Variants in SPECC1 observed in about 807,000 individuals in gnomAD.
SPECC1 encodes sperm antigen with calponin homology and coiled-coil domains 1.
In SPECC1, 62 loss-of-function variants were observed where a neutral mutation model predicts 104.1. The ratio of observed to expected loss-of-function variants is 0.60; its 90% confidence interval spans 0.49 to 0.74. The LOEUF (loss-of-function observed/expected upper bound fraction) is 0.74. Among genes scored for constraint, SPECC1 ranks in the 30% least tolerant of loss-of-function variants. The pLI is 0.00. For synonymous variants in SPECC1, 513 were observed against 501.6 expected (o/e 1.02, Z -0.30); for missense variants, 1,306 against 1,310.5 (o/e 1.00, Z 0.05).
chr17:20,071,299 A>G (rs982925972), intron 1 of SPECC1, among the ~76,000 whole-genome samples: 3 of 152,070 alleles, frequency 2.0e-5, no homozygotes, highest in African/African-American at 7.2e-5. Context: ...TCATCTTTCT[A>G]TTCCTGAACC....
intron 3 of SPECC1, among the ~76,000 whole-genome samples, chr17:20,135,401 T>G (rs2049865281): frequency 6.6e-6 from 1 of 152,160 alleles, no homozygotes; most frequent in Non-Finnish European, 1.5e-5. Context: ...TTTTATACTG[T>G]GAAAATTAGT....
chr17:20,200,362 C>T (rs1019565743), intron 3 of SPECC1, among the ~76,000 whole-genome samples: 10 of 152,162 alleles, frequency 6.6e-5, no homozygotes, highest in South Asian at 2.1e-4. Flanking sequence ...TAAAAAATGT[C>T]ACACTTCAAA....
chr17:20,186,098 A>G (rs779646301), intron 3 of SPECC1, among the ~76,000 whole-genome samples: 25 of 152,104 alleles, frequency 1.6e-4, no homozygotes, highest in Non-Finnish European at 4.4e-5. Context: ...TCGGCCTCCC[A>G]AAGTGCTGGG....
At chr17:20,035,338 G>A (rs904185107) in intron 1 of SPECC1, among the ~76,000 whole-genome samples, 2 of 152,038 alleles carry the variant, frequency 1.3e-5, no homozygotes, top group Non-Finnish European at 2.9e-5. Context: ...CTGGGATTTT[G>A]GTAGTAATAA....
chr17:20,243,209 C>T (rs1395509779), intron 7 of SPECC1, among the ~76,000 whole-genome samples: 2 of 152,186 alleles, frequency 1.3e-5, no homozygotes, highest in East Asian at 1.9e-4. Context: ...TAACATCAGC[C>T]TTAGAGGCAG....
At chr17:20,069,367 C>T (rs748863608) in intron 1 of SPECC1, among the ~76,000 whole-genome samples, 1 of 152,018 alleles carries the variant, frequency 6.6e-6, no homozygotes, top group African/African-American at 2.4e-5. Flanking sequence ...TTATGAAGTC[C>T]ACTTTATCTA....
At chr17:20,305,919 A>G (rs1180673483) in intron 13 of SPECC1, 104 bp from the exon 14 acceptor site, 1 of 1,007,200 alleles carries the variant, frequency 9.9e-7, no homozygotes, top group Non-Finnish European at 1.5e-6. Flanking sequence ...TCTTCGCTTT[A>G]TAATAGTGAA....
chr17:20,212,362 A>T (rs1006411287), intron 4 of SPECC1, among the ~76,000 whole-genome samples: 27 of 152,202 alleles, frequency 1.8e-4, no homozygotes, highest in African/African-American at 6.0e-4. Flanking sequence ...CATGCTGCTG[A>T]TAAAGACATA....
rs71357419 is a variant in SPECC1, at chr17:20,254,134, CGTGTGTGTGTGTGTGTGT to C, written c.2680+573_2680+590del. ...TGCAGTCCTCTTCCTGTTGTTACACCGTGTGTGTGTGTGTGTGTGTGTGTGTGTGTGTGTGTGTGTGTA... is the reference window on the plus strand; with the variant it reads ...TGCAGTCCTCTTCCTGTTGTTACACCGTGTGTGTGTGTGTGTGTGTGTGTA... On this transcript the variant is annotated intron_variant, in intron 10 of 14. Transcript: ENST00000395527. 2.7e-3 allele frequency among the ~76,000 whole-genome samples: 361 copies of C among 135,976 alleles called. 4 individuals are homozygous for C. The highest frequency in any genetic ancestry group is 9.3e-3 in the East Asian group (43 of 4,602). The allele number at this position is 135,976 out of a possible 152,430, so 89.2% of individuals were successfully genotyped here.
At chr17:20,150,803 T>C (rs971971116) in intron 3 of SPECC1, among the ~76,000 whole-genome samples, 14 of 152,170 alleles carry the variant, frequency 9.2e-5, no homozygotes, top group Admixed American at 2.6e-4. Context: ...AAGACAGATA[T>C]TTGGTATAGA....
intron 2 of SPECC1, among the ~76,000 whole-genome samples, chr17:20,108,415 T>C (rs1426126048): frequency 6.6e-6 from 1 of 152,168 alleles, no homozygotes; most frequent in African/African-American, 2.4e-5. Flanking sequence ...CATGTTTATA[T>C]TTTTTTACAC....
intron 12 of SPECC1, among the ~76,000 whole-genome samples, chr17:20,294,169 A>G (rs2041264367): frequency 6.6e-6 from 1 of 152,112 alleles, no homozygotes; most frequent in East Asian, 1.9e-4. Context: ...TTTAGTAGAG[A>G]CGGGGTTTAA....
At chr17:20,238,043 C>T (rs2039016829) in intron 7 of SPECC1, 2 of 1,022,306 alleles carry the variant, frequency 2.0e-6, no homozygotes, top group Non-Finnish European at 2.3e-6. Flanking sequence ...TGTCTGGCCC[C>T]TTCTGTGGGG....
intron 3 of SPECC1, among the ~76,000 whole-genome samples, chr17:20,176,152 C>G (rs2034458683): frequency 6.6e-6 from 1 of 152,146 alleles, no homozygotes; most frequent in Non-Finnish European, 1.5e-5. Context: ...TTGCTACATT[C>G]CCCTCCTGTG....
At position 20,028,068 on chromosome 17, in the gene SPECC1, A is replaced by G. The variant is rs368051910; in HGVS notation, c.-22+18644A>G. Among the ~76,000 whole-genome samples the G allele has an allele frequency of 1.1e-4, 17 of 152,272 alleles. No homozygotes were observed. The South Asian group carries it at 3.5e-3, about 32-fold the overall frequency. ...TCGTAACTCTTACGTTTAAGTCATC[A>G]ATTCATTTTTGAATTAATTTTTGCA... On this transcript the variant is annotated intron_variant, in intron 1 of 14. Transcript: ENST00000395527.
chr17:20,224,376 G>T (rs966784653), intron 4 of SPECC1, among the ~76,000 whole-genome samples: 1 of 152,098 alleles, frequency 6.6e-6, no homozygotes, highest in Non-Finnish European at 1.5e-5. Flanking sequence ...AAGGCCCAAG[G>T]GCCGTTTAAT....
chr17:20,264,334 A>AC (rs1260544580), intron 12 of SPECC1, among the ~76,000 whole-genome samples: 2 of 151,750 alleles, frequency 1.3e-5, no homozygotes, highest in Non-Finnish European at 2.9e-5. Context: ...GGGTCCCGTC[A>AC]CCCAGGTAGT....
At chr17:20,112,192 G>C (rs2048527675) in intron 3 of SPECC1, 1 of 764,032 alleles carries the variant, frequency 1.3e-6, no homozygotes, top group Non-Finnish European at 2.4e-6. Context: ...TAAGGACAAA[G>C]ATGTCTGGGA....
intron 12 of SPECC1, among the ~76,000 whole-genome samples, chr17:20,266,056 G>C (rs531645409): frequency 6.6e-6 from 1 of 152,272 alleles, no homozygotes; most frequent in Admixed American, 6.5e-5. Flanking sequence ...TGGCTATTCA[G>C]ACTCTGTTTT....
Sources: allele counts gnomAD v4.1 joint callset (sites outside exome capture counted in the v4.1 genomes callset), GRCh38; gene constraint gnomAD v4.1.1; transcripts MANE v1.5; gene names NCBI Gene and HGNC (gene_info 2026-07-23, HGNC 2026-07-21).